The following SCUBE1 variants were observed in gnomAD, a reference collection of about 807,000 sequenced individuals.
SCUBE1 encodes the protein signal peptide, CUB and EGF-like domain-containing protein 1.
Under a neutral mutation model 124.4 loss-of-function variants are expected in SCUBE1, and 59 were observed. That is an observed-to-expected ratio of 0.47 (90% CI 0.38 to 0.59). SCUBE1 has a LOEUF of 0.59. Among genes scored for constraint, SCUBE1 ranks in the 20% least tolerant of loss-of-function variants. SCUBE1 has a pLI of 0.00. For synonymous variants in SCUBE1, 545 were observed against 550.9 expected (o/e 0.99, Z 0.15); for missense variants, 1,150 against 1,371.2 (o/e 0.84, Z 2.55).
chr22:43,334,683 G>A lies in SCUBE1; in HGVS notation c.220+4421C>T, dbSNP rs568833678. Reference sequence around the variant, plus strand: ...CATCACCACCATCAACATTATCATCGCCATCAACATTATCATCACCCCCAT... The same window carrying A: ...CATCACCACCATCAACATTATCATCACCATCAACATTATCATCACCCCCAT... On this transcript the variant is annotated intron_variant, in intron 2 of 21. Transcript: ENST00000360835. 1.1e-4 allele frequency among the ~76,000 whole-genome samples: 16 copies of A among 144,664 alleles called. No individual in the cohort carries two copies. The East Asian group carries it at 1.4e-3, about 12-fold the overall frequency. 94.9% of individuals were successfully genotyped at this position (144,664 alleles called of 152,430 possible). A position where few individuals can be genotyped will look rare whatever the true frequency, so the allele number is the denominator to read the frequency against.
In SCUBE1 at chr22:43,227,388, C is replaced by T. The variant is rs776344191; in HGVS notation, c.1193G>A (p.Gly398Glu). ...CGGCCACCTACCCACGCAATCCTTC[C>T]CGTTCCAGTGGAGCCGCCTCCCCGG... The part of the protein sequence containing the change: ...CPPGRRLHWN[G>E]KDCVETGKCL... Residue 398 changes from glycine to glutamate, a missense_variant, in exon 10 of 22, where the codon GGG becomes GAG. Physicochemically the swap from Gly to Glu is moderately conservative, Grantham distance 98. Coordinates refer to ENST00000360835, the MANE Select transcript of SCUBE1 (RefSeq NM_173050.5). The T allele has an allele frequency of 1.6e-5, 26 of 1,610,832 alleles. No individual in the cohort carries two copies. The highest frequency in any genetic ancestry group is 1.6e-4 in the Middle Eastern group (1 of 6,074).
At chr22:43,318,151 C>T (rs1426739387) in intron 3 of SCUBE1, 2 of 152,156 alleles carry the variant, frequency 1.3e-5, no homozygotes, top group Middle Eastern at 3.2e-3. Context: ...GAAACTGATA[C>T]AGGTTATTAG....
At chr22:43,252,739 C>A (rs1004044808) in intron 6 of SCUBE1, among the ~76,000 whole-genome samples, 3 of 152,222 alleles carry the variant, frequency 2.0e-5, no homozygotes, top group Admixed American at 6.5e-5. Context: ...ACCATCTGGG[C>A]TGCTCTCCCC....
chr22:43,250,358 A>T (rs774221641), intron 6 of SCUBE1, among the ~76,000 whole-genome samples: 1 of 152,130 alleles, frequency 6.6e-6, no homozygotes, highest in Non-Finnish European at 1.5e-5. Flanking sequence ...AAAACTTATG[A>T]AGATGGCTCT....
At chr22:43,250,235 C>T (rs34576883) in intron 6 of SCUBE1, among the ~76,000 whole-genome samples, 10,099 of 152,314 alleles carry the variant, frequency 0.066, 424 homozygotes, top group Admixed American at 0.14. Flanking sequence ...CGCCTGGGGG[C>T]TCCTGCAGGT....
intron 14 of SCUBE1, among the ~76,000 whole-genome samples, chr22:43,220,012 G>C (rs898311324): frequency 6.6e-6 from 1 of 152,094 alleles, no homozygotes; most frequent in Non-Finnish European, 1.5e-5. Context: ...CAACATCAAC[G>C]ACTCACAGGT....
intron 4 of SCUBE1, chr22:43,283,498 A>G (rs1289785538): frequency 6.6e-6 from 1 of 152,222 alleles, no homozygotes; most frequent in African/African-American, 2.4e-5. Flanking sequence ...TTTGCCTGGG[A>G]CAGTCCCAGT....
chr22:43,211,807 T>A lies in SCUBE1; in HGVS notation c.2221+618A>T, dbSNP rs34931585. ...CCAAAGTGCTGGGATTATAGGTGTG[T>A]GCCACCGCACCTGGCTTCTTTTTTT... On this transcript the variant is annotated intron_variant, in intron 17 of 21. Transcript: ENST00000360835. This position sits in a 1 kb window ranked among gnomAD's most constrained non-coding sequence, Gnocchi z 4.5. Among the ~76,000 whole-genome samples the A allele has an allele frequency of 0.076, 11,519 of 152,068 alleles. 801 individuals carry two copies. Among genetic ancestry groups the A allele is most frequent in the African/African-American group, 0.18 (7,287 of 41,432 alleles).
At chr22:43,271,074 G>A (rs905706807) in intron 4 of SCUBE1, among the ~76,000 whole-genome samples, 4 of 152,044 alleles carry the variant, frequency 2.6e-5, no homozygotes, top group African/African-American at 7.2e-5. Context: ...ACACGCTCTC[G>A]CCCTCCTCTG....
intron 3 of SCUBE1, among the ~76,000 whole-genome samples, chr22:43,303,080 T>G (rs1925835074): frequency 6.6e-6 from 1 of 152,232 alleles, no homozygotes; most frequent in Non-Finnish European, 1.5e-5. Flanking sequence ...GTCAGCTGAT[T>G]GATTCCCAGC....
rs1342573009 is a variant in SCUBE1, at chr22:43,221,245, G to A, written c.1477C>T (p.Arg493Ter). ...PIKQKARFKI[R>*]DAKCHLRPHS... ...GGCCGGAGGTGGCACTTGGCATCTC[G>A]GATCTTGAAGCGGGCCTTCTGTTTG... The change falls in exon 13 of 22, where the codon CGA (arginine) becomes TGA (stop). Residue 493 changes from arginine (R) to a stop codon, truncating the protein, a stop_gained. Coordinates refer to ENST00000360835, the MANE Select transcript of SCUBE1 (RefSeq NM_173050.5). LOFTEE classifies it high-confidence loss of function. 6.2e-7 allele frequency: 1 copy of A among 1,611,842 alleles called. No homozygotes were observed. The highest frequency in any genetic ancestry group is 8.5e-7 in the Non-Finnish European group (1 of 1,179,946).
intron 10 of SCUBE1, among the ~76,000 whole-genome samples, chr22:43,226,583 T>G (rs1163370750): frequency 6.9e-6 from 1 of 145,258 alleles, no homozygotes. Context: ...CGCTGTGGCT[T>G]TGATTCAGAG....
intron 10 of SCUBE1, among the ~76,000 whole-genome samples, chr22:43,224,960 C>T (rs1281378554): frequency 6.6e-6 from 1 of 152,166 alleles, no homozygotes; most frequent in Non-Finnish European, 1.5e-5. Context: ...CGACAACTAC[C>T]ACCACCAGCT....
chr22:43,338,594 C>T (rs968930207), intron 2 of SCUBE1, among the ~76,000 whole-genome samples: 4 of 152,176 alleles, frequency 2.6e-5, no homozygotes, highest in Non-Finnish European at 1.5e-5. Flanking sequence ...GGCGCCATCT[C>T]GGCTCACTGC....
At position 43,280,642 on chromosome 22, in the gene SCUBE1, T is replaced by C. The variant is rs536693877; in HGVS notation, c.484+10404A>G. ...CTGTCACCTCCTCTCTCAGCCATGCTCCTACCAACTTCCCCTATCAGCCCT... is the reference window on the plus strand; with the variant it reads ...CTGTCACCTCCTCTCTCAGCCATGCCCCTACCAACTTCCCCTATCAGCCCT... On this transcript the variant is annotated intron_variant, in intron 4 of 21. Coordinates refer to ENST00000360835, the MANE Select transcript of SCUBE1 (RefSeq NM_173050.5). Among the ~76,000 whole-genome samples, 843 of 148,192 alleles carry C rather than the reference T, an allele frequency of 5.7e-3. 8 individuals carry two copies. The highest frequency in any genetic ancestry group is 5.2e-3 in the Non-Finnish European group (348 of 67,292).
chr22:43,210,793 G>C lies in SCUBE1; in HGVS notation c.2383+129C>G, dbSNP rs1601796039. 8.8e-7 allele frequency: 1 copy of C among 1,133,456 alleles called. No homozygotes were observed. The highest frequency in any genetic ancestry group is 2.4e-5 in the East Asian group (1 of 40,962). 70.2% of individuals were successfully genotyped at this position (1,133,456 alleles called of 1,614,324 possible). On this transcript the variant is annotated intron_variant, in intron 18 of 21. Coordinates refer to ENST00000360835, the MANE Select transcript of SCUBE1 (RefSeq NM_173050.5). This position sits in a 1 kb window ranked among gnomAD's most constrained non-coding sequence, Gnocchi z 4.5. The stretch of plus-strand genomic sequence containing the variant: ...GATGGATGCAATGCACCCGAGAGCA[G>C]ACGGGACGGAGCGGGAGGAGTCCAG...
rs896572369 is a variant in SCUBE1, at chr22:43,198,508, G to T, written c.*5489C>A. On this transcript the variant is annotated 3_prime_UTR_variant, in exon 22 of 22. Coordinates refer to ENST00000360835, the MANE Select transcript of SCUBE1 (RefSeq NM_173050.5). Reference sequence around the variant, plus strand: ...GCCAGGGATCTGTGGGTGCTGTGGGGGCAGAGGCAGCCGCGGTAGAATAGG... The same window carrying T: ...GCCAGGGATCTGTGGGTGCTGTGGGTGCAGAGGCAGCCGCGGTAGAATAGG... 4.4e-6 allele frequency: 2 copies of T among 455,524 alleles called. No homozygotes were observed. The highest frequency in any genetic ancestry group is 2.0e-5 in the African/African-American group (1 of 50,058). The allele number at this position is 455,524 out of a possible 1,614,324, so 28.2% of individuals were successfully genotyped here.
rs1178457900 is a variant in SCUBE1, at chr22:43,202,961, C to T, written c.*1036G>A. On this transcript the variant is annotated 3_prime_UTR_variant, in exon 22 of 22. Coordinates refer to ENST00000360835, the MANE Select transcript of SCUBE1 (RefSeq NM_173050.5). The stretch of plus-strand genomic sequence containing the variant: ...GGACCCCAAGGTCACTGCCACAGGG[C>T]AAGAGCCAAGGCCCCTTTCGCCGTT... 4 of 152,360 alleles carry T rather than the reference C, an allele frequency of 2.6e-5. No individual in the cohort carries two copies. In the East Asian group the frequency reaches 7.7e-4, roughly 29 times the overall value. The allele number at this position is 152,360 out of a possible 1,614,324, so 9.4% of individuals were successfully genotyped here. A position where few individuals can be genotyped will look rare whatever the true frequency, so the allele number is the denominator to read the frequency against.
In SCUBE1 at chr22:43,211,200, A is replaced by G; in HGVS notation, c.2222-117T>C. On this transcript the variant is annotated intron_variant, in intron 17 of 21. Transcript: ENST00000360835. The surrounding 1 kb of genome is among the most constrained non-coding windows in gnomAD (Gnocchi z 4.5). Reference sequence around the variant, plus strand: ...CGAGGTCTGTTTTGGCACAGAGTTCAAGGCTCCTCCCCACCGCCCCATGAC... The same window carrying G: ...CGAGGTCTGTTTTGGCACAGAGTTCGAGGCTCCTCCCCACCGCCCCATGAC... The G allele has an allele frequency of 9.2e-7, 1 of 1,081,138 alleles. No individual in the cohort carries two copies. Among genetic ancestry groups the G allele is most frequent in the Non-Finnish European group, 1.3e-6 (1 of 748,658 alleles). 67.0% of individuals were successfully genotyped at this position (1,081,138 alleles called of 1,614,324 possible).
Sources: gnomAD v4.1 joint callset for allele counts (sites outside exome capture counted in the v4.1 genomes callset) on GRCh38, gnomAD v4.1.1 for gene constraint, Gnocchi (gnomAD v3.1) non-coding constraint, MANE v1.5 for transcripts, NCBI Gene and HGNC (gene_info 2026-07-23, HGNC 2026-07-21) for gene names.